The following EFCAB13 variants were observed in gnomAD, a reference collection of about 807,000 sequenced individuals.
EFCAB13 encodes the protein EF-hand calcium-binding domain-containing protein 13.
EFCAB13 carries 91 observed loss-of-function variants against 110.2 expected under a neutral mutation model. The observed-to-expected ratio is 0.83, with a 90% confidence interval of 0.70 to 0.98. EFCAB13 has a LOEUF of 0.98. EFCAB13 is among the 50% of genes least tolerant of loss of function. The pLI, the probability that EFCAB13 is intolerant of heterozygous loss-of-function variation, is 0.00. For synonymous variants in EFCAB13, 323 were observed against 369.9 expected (o/e 0.87, Z 1.45); for missense variants, 968 against 1,119.4 (o/e 0.86, Z 1.93).
At chr17:47,346,398 G>T (rs2065415890) in intron 8 of EFCAB13, among the ~76,000 whole-genome samples, 1 of 143,994 alleles carries the variant, frequency 6.9e-6, no homozygotes, top group Admixed American at 7.0e-5. Flanking sequence ...TTTAAAGGCT[G>T]ATTGATATTC....
chr17:47,430,046 G>T, intron 24 of EFCAB13, 85 bp downstream of exon 24: 1 of 1,424,950 alleles, frequency 7.0e-7, no homozygotes. Flanking sequence ...TGCAGGGATG[G>T]AGGGTATCCT....
chr17:47,404,435 A>C (rs1219159957), intron 19 of EFCAB13, 127 bp from the exon 20 acceptor site: 20 of 675,388 alleles, frequency 3.0e-5, no homozygotes, highest in African/African-American at 5.5e-5. Context: ...GATGAAAATG[A>C]ATCTAAAAGT....
At position 47,347,844 on chromosome 17, in the gene EFCAB13, G is replaced by A. The variant is rs149684195; in HGVS notation, c.554G>A (p.Arg185Gln). 1.7e-5 allele frequency: 26 copies of A among 1,529,798 alleles called. 1 individual carries two copies. In the Middle Eastern group the frequency reaches 1.4e-3, roughly 81 times the overall value. 94.8% of individuals were successfully genotyped at this position (1,529,798 alleles called of 1,614,324 possible). A position where few individuals can be genotyped will look rare whatever the true frequency, so the allele number is the denominator to read the frequency against. Residue 185 changes from arginine (R) to glutamine (Q), a missense_variant, in exon 9 of 25, where the codon CGA becomes CAA. Physicochemically the swap from Arg to Gln is conservative, Grantham distance 43. Transcript: ENST00000331493. ...GCCTGTAAAATTTTTAGTAAAATTC[G>A]AAGTGGTAAGATTTATGTGAATGAT... ...HKACKIFSKI[R>Q]SGKIYVNDLP...
intron 6 of EFCAB13, among the ~76,000 whole-genome samples, chr17:47,343,855 G>C (rs916321559): frequency 6.6e-6 from 1 of 151,984 alleles, no homozygotes; most frequent in Non-Finnish European, 1.5e-5. Flanking sequence ...GAGTCTTCTT[G>C]TTCTCTCTAT....
Position 47,374,460 on chromosome 17 carries a change from T to C in EFCAB13, c.878-12T>C, listed in dbSNP as rs1177688716. On this transcript the variant is annotated splice_polypyrimidine_tract_variant and intron_variant, in intron 11 of 24. Transcript: ENST00000331493. ...CAGGTAAATGAAATAATTGTATATT[T>C]CTCTTATTTAGCAATTACAGAAGGA... 6.8e-7 allele frequency: 1 copy of C among 1,464,394 alleles called. No homozygotes were observed. Among genetic ancestry groups the C allele is most frequent in the African/African-American group, 1.4e-5 (1 of 69,978 alleles). 90.7% of individuals were successfully genotyped at this position (1,464,394 alleles called of 1,614,324 possible).
intron 16 of EFCAB13, among the ~76,000 whole-genome samples, chr17:47,395,441 T>C (rs1204108855): frequency 1.3e-5 from 2 of 152,196 alleles, no homozygotes; most frequent in Non-Finnish European, 2.9e-5. Flanking sequence ...TTTTGTTGTC[T>C]ACAGTGGTAG....
At chr17:47,423,334 T>C (rs1450685140) in intron 23 of EFCAB13, 1 of 153,144 alleles carries the variant, frequency 6.5e-6, no homozygotes, top group Non-Finnish European at 1.5e-5. Context: ...CATTAAGATA[T>C]TTCAGATAAA....
intron 24 of EFCAB13, among the ~76,000 whole-genome samples, chr17:47,434,813 G>A (rs1371898994): frequency 6.6e-6 from 1 of 152,140 alleles, no homozygotes; most frequent in East Asian, 1.9e-4. Context: ...TCAACAAATG[G>A]TGTGGGGATA....
chr17:47,438,112 A>C (rs144875979), intron 24 of EFCAB13, among the ~76,000 whole-genome samples: 71 of 152,290 alleles, frequency 4.7e-4, no homozygotes, highest in African/African-American at 1.6e-3. Context: ...ATAGGGCCCT[A>C]ATCCCTTCTA....
At chr17:47,414,031 A>T (rs1904335439) in intron 22 of EFCAB13, among the ~76,000 whole-genome samples, 1 of 152,070 alleles carries the variant, frequency 6.6e-6, no homozygotes, top group Non-Finnish European at 1.5e-5. Flanking sequence ...GTTCCCAGTT[A>T]ACTTTTTGTT....
chr17:47,394,104 G>C lies in EFCAB13; in HGVS notation c.1801+5G>C, dbSNP rs372738594. ...AATGCTTCTCTGAAAAATTAGGTAC[G>C]TAAGAATATCATGTCTTCTGCTTTT... On this transcript the variant is annotated splice_donor_5th_base_variant and intron_variant, in intron 16 of 24. Transcript: ENST00000331493. 32 of 1,493,402 alleles carry C rather than the reference G, an allele frequency of 2.1e-5. No individual in the cohort carries two copies. The South Asian group carries it at 4.3e-4, about 20-fold the overall frequency. 92.5% of individuals were successfully genotyped at this position (1,493,402 alleles called of 1,614,324 possible).
At chr17:47,391,634 A>G (rs1403646736) in intron 15 of EFCAB13, 54 bp downstream of exon 15, 3 of 1,459,740 alleles carry the variant, frequency 2.1e-6, no homozygotes, top group African/African-American at 1.5e-5. Flanking sequence ...AGGAGGGTCA[A>G]TTTGTTATTT....
chr17:47,336,574 AG>A (rs1243512306), intron 5 of EFCAB13, among the ~76,000 whole-genome samples: 4 of 149,132 alleles, frequency 2.7e-5, no homozygotes, highest in Admixed American at 6.7e-5. Flanking sequence ...TATAGGCGTG[AG>A]CCACCGCACC....
chr17:47,405,630 A>G lies in EFCAB13; in HGVS notation c.2233+997A>G, dbSNP rs1034991879. Among the ~76,000 whole-genome samples the G allele has an allele frequency of 2.0e-5, 3 of 151,958 alleles. No homozygotes were observed. The South Asian group carries it at 6.2e-4, about 32-fold the overall frequency. ...TGAGGTTAAAATGACTTAGACTATTAGGACAGCCCTATGCACTTCTAATTC... is the reference window on the plus strand; with the variant it reads ...TGAGGTTAAAATGACTTAGACTATTGGGACAGCCCTATGCACTTCTAATTC... On this transcript the variant is annotated intron_variant, in intron 20 of 24. Coordinates refer to ENST00000331493, the MANE Select transcript of EFCAB13 (RefSeq NM_152347.5).
chr17:47,436,679 C>A (rs1409606057), intron 24 of EFCAB13, among the ~76,000 whole-genome samples: 1 of 151,704 alleles, frequency 6.6e-6, no homozygotes, highest in Non-Finnish European at 1.5e-5. Flanking sequence ...TGGTTAATCT[C>A]ACCAGTGGTC....
At chr17:47,407,625 C>T (rs921895000) in intron 20 of EFCAB13, among the ~76,000 whole-genome samples, 3 of 152,172 alleles carry the variant, frequency 2.0e-5, no homozygotes, top group African/African-American at 7.2e-5. Flanking sequence ...CACTGATAGG[C>T]TTTCTTTTAC....
At chr17:47,344,835 AT>A (rs1224855684) in intron 7 of EFCAB13, among the ~76,000 whole-genome samples, 180 bp from the exon 8 acceptor site, 1 of 152,150 alleles carries the variant, frequency 6.6e-6, no homozygotes, top group Non-Finnish European at 1.5e-5. Flanking sequence ...TTATAGAAAA[AT>A]ATCTCGAAAA....
Position 47,379,167 on chromosome 17 carries a change from T to A in EFCAB13, c.1511-15T>A, listed in dbSNP as rs113855450. 2.3e-5 allele frequency: 37 copies of A among 1,608,500 alleles called. No homozygotes were observed. The African/African-American group carries it at 3.6e-4, about 16-fold the overall frequency. On this transcript the variant is annotated splice_polypyrimidine_tract_variant and intron_variant, in intron 13 of 24. Coordinates refer to ENST00000331493, the MANE Select transcript of EFCAB13 (RefSeq NM_152347.5). ...ATACACCAGAATGTATAATCTAAAC[T>A]CTTTTTAAAAACAGAGAATGGAATG...
At chr17:47,335,742 T>TGTGAA (rs2065346051) in intron 5 of EFCAB13, among the ~76,000 whole-genome samples, 1 of 152,116 alleles carries the variant, frequency 6.6e-6, no homozygotes, top group African/African-American at 2.4e-5. Context: ...AAGCATATCT[T>TGTGAA]CACAAGGCCA....
Sources: gnomAD v4.1 joint callset for allele counts (sites outside exome capture counted in the v4.1 genomes callset) on GRCh38, gnomAD v4.1.1 for gene constraint, MANE v1.5 for transcripts, NCBI Gene and HGNC (gene_info 2026-07-23, HGNC 2026-07-21) for gene names.